The following SPOCK1 variants were observed in gnomAD, a reference collection of about 807,000 sequenced individuals.
SPOCK1 encodes testican-1.
A neutral mutation model predicts 55.3 loss-of-function variants in SPOCK1; 23 were observed. That is an observed-to-expected ratio of 0.42 (90% CI 0.30 to 0.59). SPOCK1 has a LOEUF of 0.59. Ranked by LOEUF, SPOCK1 falls within the 20% of genes least tolerant of loss-of-function variation. The pLI is 0.22. For synonymous variants in SPOCK1, 226 were observed against 221.0 expected (o/e 1.02, Z -0.20); for missense variants, 499 against 552.5 (o/e 0.90, Z 0.97).
chr5:137,007,328 GA>G (rs375102567), intron 6 of SPOCK1, among the ~76,000 whole-genome samples: 66 of 145,288 alleles, frequency 4.5e-4, no homozygotes, highest in African/African-American at 1.5e-3. Flanking sequence ...GCTCAGCAAA[GA>G]AAAAAAAAAC....
chr5:137,093,503 T>TTTATGGA (rs1753084560), intron 5 of SPOCK1, among the ~76,000 whole-genome samples: 2 of 152,216 alleles, frequency 1.3e-5, no homozygotes, highest in Admixed American at 1.3e-4. Context: ...GGACTCTGCC[T>TTTATGGA]TTATGGAGCA....
intron 2 of SPOCK1, among the ~76,000 whole-genome samples, chr5:137,342,121 C>T (rs190304248): frequency 4.5e-4 from 69 of 152,298 alleles, no homozygotes; most frequent in Middle Eastern, 3.4e-3. Flanking sequence ...TTTTGATGGA[C>T]GGTGTTCCAC....
At chr5:137,270,705 C>G (rs555524683) in intron 2 of SPOCK1, among the ~76,000 whole-genome samples, 2 of 152,286 alleles carry the variant, frequency 1.3e-5, no homozygotes, top group African/African-American at 4.8e-5. Context: ...CAGGAACTCT[C>G]ATGAAAAGTT....
intron 2 of SPOCK1, among the ~76,000 whole-genome samples, chr5:137,496,642 C>T (rs1754304324): frequency 6.6e-6 from 1 of 152,104 alleles, no homozygotes; most frequent in South Asian, 2.1e-4. Context: ...AAAAACAAAA[C>T]AAAACAAAAA....
chr5:137,199,530 C>T (rs1264014093), intron 3 of SPOCK1, among the ~76,000 whole-genome samples: 2 of 152,138 alleles, frequency 1.3e-5, no homozygotes, highest in Non-Finnish European at 2.9e-5. Flanking sequence ...CCTTGCTTTA[C>T]CTGACCCATC....
chr5:137,402,614 G>T (rs959380431), intron 2 of SPOCK1, among the ~76,000 whole-genome samples: 6 of 152,142 alleles, frequency 3.9e-5, no homozygotes, highest in Non-Finnish European at 8.8e-5. Flanking sequence ...CAGCCCCCGG[G>T]GGTTAGACCT....
At chr5:137,282,721 G>A (rs539697831) in intron 2 of SPOCK1, among the ~76,000 whole-genome samples, 33 of 152,174 alleles carry the variant, frequency 2.2e-4, no homozygotes, top group African/African-American at 6.7e-4. Flanking sequence ...TCTTCCTCCC[G>A]GTCCCTGCCA....
chr5:137,474,478 G>A (rs1046706755), intron 2 of SPOCK1, among the ~76,000 whole-genome samples: 7 of 152,142 alleles, frequency 4.6e-5, no homozygotes, highest in African/African-American at 1.7e-4. Context: ...CTGCCTCTGT[G>A]CATTTAAAGT....
At position 137,080,782 on chromosome 5, in the gene SPOCK1, G is replaced by A. The variant is rs78782578; in HGVS notation, c.475-12953C>T. 6.8e-4 allele frequency among the ~76,000 whole-genome samples: 104 copies of A among 152,260 alleles called. 1 individual carries two copies. The highest frequency in any genetic ancestry group is 2.4e-3 in the African/African-American group (101 of 41,562). The stretch of plus-strand genomic sequence containing the variant: ...CAAGTTTCTTGGTGAAATGAGTGAA[G>A]AAAACTACAGAAAATCTAAGTGGCT... On this transcript the variant is annotated intron_variant, in intron 5 of 10. Coordinates refer to ENST00000394945, the MANE Select transcript of SPOCK1 (RefSeq NM_004598.4).
At chr5:137,132,191 A>T (rs2127045809) in intron 4 of SPOCK1, among the ~76,000 whole-genome samples, 1 of 148,224 alleles carries the variant, frequency 6.7e-6, no homozygotes, top group South Asian at 2.1e-4. Context: ...AAAAAAAAAA[A>T]AAAAATCTCC....
At chr5:137,418,646 G>A (rs1239934060) in intron 2 of SPOCK1, among the ~76,000 whole-genome samples, 1 of 151,952 alleles carries the variant, frequency 6.6e-6, no homozygotes, top group East Asian at 1.9e-4. Context: ...ACTTTTTGAT[G>A]GGGTTGTTTT....
intron 3 of SPOCK1, among the ~76,000 whole-genome samples, chr5:137,184,988 T>G (rs1287422819): frequency 6.6e-6 from 1 of 152,220 alleles, no homozygotes; most frequent in African/African-American, 2.4e-5. Flanking sequence ...TGATTCCCTG[T>G]GCAGAACTTA....
chr5:137,263,873 G>T (rs566886464), intron 3 of SPOCK1, among the ~76,000 whole-genome samples: 65 of 152,284 alleles, frequency 4.3e-4, no homozygotes, highest in African/African-American at 1.5e-3. Flanking sequence ...GACATTCTGA[G>T]TCTCATCATT....
At chr5:137,356,797 TAATATATATATATATATATATA>T (rs1487675369) in intron 2 of SPOCK1, among the ~76,000 whole-genome samples, 4 of 24,400 alleles carry the variant, frequency 1.6e-4, no homozygotes, top group East Asian at 1.3e-3. Context: ...TCAAAAAAAA[TAATATATATATATATATATATA>T]TATATATATA....
intron 6 of SPOCK1, among the ~76,000 whole-genome samples, chr5:136,994,618 C>G (rs978583621): frequency 5.9e-5 from 9 of 151,290 alleles, no homozygotes; most frequent in Non-Finnish European, 7.4e-5. Context: ...ATTCAGAAAG[C>G]CAACAACAAA....
chr5:137,018,266 A>G (rs1580709830), intron 6 of SPOCK1, among the ~76,000 whole-genome samples: 1 of 152,220 alleles, frequency 6.6e-6, no homozygotes, highest in East Asian at 1.9e-4. Context: ...AAAGGGGTTT[A>G]TTCTGTGGAA....
intron 3 of SPOCK1, among the ~76,000 whole-genome samples, chr5:137,241,374 G>T (rs1424432725): frequency 6.6e-6 from 1 of 152,162 alleles, no homozygotes; most frequent in East Asian, 1.9e-4. Context: ...GCTTCCAGAA[G>T]TTAACAAATG....
intron 2 of SPOCK1, among the ~76,000 whole-genome samples, chr5:137,419,989 A>C (rs1052350162): frequency 5.9e-5 from 9 of 152,156 alleles, no homozygotes; most frequent in African/African-American, 2.2e-4. Context: ...CAAATTTATT[A>C]AGAGTTTTTA....
chr5:137,417,242 C>T (rs1041346288), intron 2 of SPOCK1, among the ~76,000 whole-genome samples: 2 of 150,030 alleles, frequency 1.3e-5, no homozygotes, highest in Non-Finnish European at 3.0e-5. Flanking sequence ...TCTAAAAAAT[C>T]TTTGCCTACT....
Sources: allele counts gnomAD v4.1 joint callset (sites outside exome capture counted in the v4.1 genomes callset), GRCh38; gene constraint gnomAD v4.1.1; transcripts MANE v1.5; gene names NCBI Gene and HGNC (gene_info 2026-07-23, HGNC 2026-07-21).